Variants in SLC12A7 observed in about 807,000 individuals in gnomAD.
The protein encoded by SLC12A7 is K-Cl cotransporter 4.
Under a neutral mutation model 120.6 loss-of-function variants are expected in SLC12A7, and 100 were observed. The observed-to-expected ratio is 0.83, with a 90% CI of 0.71 to 0.98. The LOEUF is 0.98. Ranked by LOEUF, SLC12A7 falls within the 50% of genes least tolerant of loss-of-function variation. The pLI is 0.00. For missense variants in SLC12A7, 1,373 were observed against 1,548.1 expected (o/e 0.89, Z 1.90); for synonymous variants, 760 against 678.0 (o/e 1.12, Z -1.88).
chr5:1,056,687 G>T, intron 22 of SLC12A7: 1 of 605,292 alleles, frequency 1.7e-6, no homozygotes, highest in Non-Finnish European at 2.1e-6. Context: ...GGAGGACGCC[G>T]CCTCATCCCA....
chr5:1,129,221 T>C, the SLC12A7 span, among the ~76,000 whole-genome samples: 1 of 152,172 alleles, frequency 6.6e-6, no homozygotes, highest in African/African-American at 2.4e-5. Flanking sequence ...CAGCCGCCAC[T>C]GCTGCCGGCC....
the SLC12A7 span, among the ~76,000 whole-genome samples, chr5:1,125,889 C>T: frequency 6.9e-6 from 1 of 144,002 alleles, no homozygotes; most frequent in Non-Finnish European, 1.5e-5. Context: ...CACATCACTG[C>T]ACTCTAGCCT....
chr5:1,104,276 C>G (rs1225483883), intron 1 of SLC12A7, among the ~76,000 whole-genome samples: 1 of 152,250 alleles, frequency 6.6e-6, no homozygotes, highest in Non-Finnish European at 1.5e-5. Flanking sequence ...ACCCTCGTGA[C>G]AGGCTGGCTC....
chr5:1,109,783 G>A (rs1449442809), intron 1 of SLC12A7, among the ~76,000 whole-genome samples: 1 of 152,220 alleles, frequency 6.6e-6, no homozygotes, highest in Non-Finnish European at 1.5e-5. Flanking sequence ...AGCCCACCAG[G>A]CCCCCCAAAC....
At chr5:1,142,297 CCTCGCCCCTCCCGT>C in the SLC12A7 span, among the ~76,000 whole-genome samples, 1 of 114,002 alleles carries the variant, frequency 8.8e-6, no homozygotes, top group African/African-American at 3.5e-5. Flanking sequence ...TCCCCTCCCC[CCTCGCCCCTCCCGT>C]CTCCCCTCTC....
intron 17 of SLC12A7, among the ~76,000 whole-genome samples, chr5:1,066,749 G>A (rs1029560100): frequency 6.6e-6 from 1 of 152,224 alleles, no homozygotes; most frequent in Non-Finnish European, 1.5e-5. Context: ...CTGCGTGGAG[G>A]CACAGGCGCC....
chr5:1,097,793 G>A (rs1334332731), intron 1 of SLC12A7, among the ~76,000 whole-genome samples: 2 of 152,148 alleles, frequency 1.3e-5, no homozygotes, highest in Non-Finnish European at 2.9e-5. Context: ...GTCACCAAAA[G>A]CAGCCTCAGA....
At chr5:1,074,774 A>AC in intron 15 of SLC12A7, 103 bp from the exon 16 acceptor site, 1 of 1,069,334 alleles carries the variant, frequency 9.4e-7, no homozygotes, top group Non-Finnish European at 1.4e-6. Flanking sequence ...GGCAAACAGG[A>AC]CCCCCAGGAA....
chr5:1,051,782 G>A lies in SLC12A7; in HGVS notation c.*578C>T, dbSNP rs1240934844. On this transcript the variant is annotated 3_prime_UTR_variant, in exon 24 of 24. Coordinates refer to ENST00000264930, the MANE Select transcript of SLC12A7 (RefSeq NM_006598.3). ...AAATGTGGACCTGCCGAGCCCAGAG[G>A]CTCCCACACGAGGGTGACACGGGCA... 1.3e-5 allele frequency: 2 copies of A among 152,638 alleles called. No individual in the cohort carries two copies. Among genetic ancestry groups the A allele is most frequent in the Admixed American group, 6.5e-5 (1 of 15,298 alleles). The allele number at this position is 152,638 out of a possible 1,614,324, so 9.5% of individuals were successfully genotyped here.
intron 1 of SLC12A7, among the ~76,000 whole-genome samples, chr5:1,108,948 AGT>A (rs1293116267): frequency 6.6e-6 from 1 of 152,182 alleles, no homozygotes; most frequent in Non-Finnish European, 1.5e-5. Context: ...GCTCAGCCAC[AGT>A]GGAAAATCTC....
chr5:1,084,367 C>T (rs2150857918), intron 7 of SLC12A7, among the ~76,000 whole-genome samples: 1 of 152,214 alleles, frequency 6.6e-6, no homozygotes, highest in East Asian at 1.9e-4. Context: ...TCCCCCCGCG[C>T]CAGCACAGCC....
chr5:1,130,080 G>A, the SLC12A7 span, among the ~76,000 whole-genome samples: 1 of 152,176 alleles, frequency 6.6e-6, no homozygotes, highest in African/African-American at 2.4e-5. Context: ...TTCTGGATGT[G>A]GTTCAGAAAA....
At chr5:1,132,575 T>C in the SLC12A7 span, among the ~76,000 whole-genome samples, 1 of 152,212 alleles carries the variant, frequency 6.6e-6, no homozygotes, top group South Asian at 2.1e-4. Context: ...CCGGGCTGTT[T>C]TCTGTCCCTT....
intron 1 of SLC12A7, among the ~76,000 whole-genome samples, chr5:1,100,175 C>T (rs1184592886): frequency 1.3e-5 from 2 of 152,204 alleles, no homozygotes; most frequent in East Asian, 1.9e-4. Context: ...AAATAGCTCA[C>T]GAAGCCCGTG....
At chr5:1,124,500 C>T in the SLC12A7 span, among the ~76,000 whole-genome samples, 1 of 152,196 alleles carries the variant, frequency 6.6e-6, no homozygotes. Flanking sequence ...CAAGACATTT[C>T]CAGACCAACG....
intron 17 of SLC12A7, among the ~76,000 whole-genome samples, chr5:1,067,444 TGCG>T (rs1366752452): frequency 3.3e-5 from 5 of 152,264 alleles, no homozygotes; most frequent in Non-Finnish European, 5.9e-5. Flanking sequence ...AGCCCCTTTA[TGCG>T]GCTGCTTCTC....
chr5:1,094,544 G>C (rs1431665957), intron 1 of SLC12A7, among the ~76,000 whole-genome samples: 2 of 152,180 alleles, frequency 1.3e-5, no homozygotes, highest in African/African-American at 4.8e-5. Flanking sequence ...ACACACGCTA[G>C]CTCCAGGGCA....
chr5:1,138,562 T>C, the SLC12A7 span, among the ~76,000 whole-genome samples: 1 of 152,206 alleles, frequency 6.6e-6, no homozygotes, highest in East Asian at 1.9e-4. Flanking sequence ...TCCTCGTCTG[T>C]TTCTGATTTG....
chr5:1,074,174 G>A (rs968431698), intron 16 of SLC12A7, among the ~76,000 whole-genome samples: 11 of 152,062 alleles, frequency 7.2e-5, no homozygotes, highest in African/African-American at 2.4e-4. Context: ...GAGGCCCTGA[G>A]GGGACAATGG....
Sources: allele counts gnomAD v4.1 joint callset (sites outside exome capture counted in the v4.1 genomes callset), GRCh38; gene constraint gnomAD v4.1.1; transcripts MANE v1.5; gene names NCBI Gene and HGNC (gene_info 2026-07-23, HGNC 2026-07-21).